ORC3: variants seen among roughly 807,000 people sequenced by gnomAD.
ORC3 encodes the protein origin recognition complex subunit 3.
A neutral mutation model predicts 100.7 loss-of-function variants in ORC3; 78 were observed. The observed-to-expected ratio is 0.77, with a 90% CI of 0.65 to 0.94. ORC3 has a LOEUF of 0.94. Ranked by LOEUF, ORC3 falls within the 40% of genes least tolerant of loss-of-function variation. The pLI, the probability that ORC3 is intolerant of heterozygous loss-of-function variation, is 0.00. For missense variants in ORC3, 789 were observed against 823.9 expected (o/e 0.96, Z 0.52); for synonymous variants, 295 against 289.3 (o/e 1.02, Z -0.20).
chr6:87,673,698 GGGCGTGGT>G, the ORC3 span, among the ~76,000 whole-genome samples: 1 of 151,822 alleles, frequency 6.6e-6, no homozygotes, highest in East Asian at 1.9e-4. Flanking sequence ...AAAATTAGCT[GGGCGTGGT>G]GGTGCATGCC....
intron 14 of ORC3, 98 bp from the exon 15 acceptor site, chr6:87,656,808 T>C: frequency 1.4e-6 from 1 of 731,340 alleles, no homozygotes; most frequent in Non-Finnish European, 2.3e-6. Context: ...TAAAAAAATA[T>C]ATATAGGTGA....
chr6:87,600,976 C>A (rs932937353), intron 2 of ORC3, among the ~76,000 whole-genome samples: 2 of 152,030 alleles, frequency 1.3e-5, no homozygotes, highest in Non-Finnish European at 2.9e-5. Flanking sequence ...GGTATTTTCA[C>A]AAATAGCTAA....
intron 7 of ORC3, among the ~76,000 whole-genome samples, chr6:87,611,227 G>A (rs1417473826): frequency 2.6e-5 from 4 of 151,726 alleles, no homozygotes; most frequent in Non-Finnish European, 5.9e-5. Flanking sequence ...ATGAACCATC[G>A]CACCCAGCCC....
intron 13 of ORC3, 66 bp downstream of exon 13, chr6:87,636,552 C>T: frequency 1.1e-6 from 1 of 922,660 alleles, no homozygotes; most frequent in South Asian, 1.4e-5. Context: ...GTAGCACCTT[C>T]CTCTAGAACC....
intron 2 of ORC3, among the ~76,000 whole-genome samples, chr6:87,601,084 T>TA (rs1777862761): frequency 6.6e-6 from 1 of 152,096 alleles, no homozygotes; most frequent in Non-Finnish European, 1.5e-5. Context: ...GTAAGAATAG[T>TA]AGTAGTAAGT....
At chr6:87,670,423 C>T (rs1314117703), downstream of ORC3, among the ~76,000 whole-genome samples, 1 of 152,130 alleles carries the variant, frequency 6.6e-6, no homozygotes, top group Non-Finnish European at 1.5e-5. Context: ...ACCTAGGCTT[C>T]CCAAAGTGCT....
the ORC3 span, among the ~76,000 whole-genome samples, chr6:87,674,762 C>G: frequency 6.6e-6 from 1 of 150,872 alleles, no homozygotes; most frequent in African/African-American, 2.4e-5. Context: ...GCATGAGCCA[C>G]CGCGCCCAGC....
rs528981364 is a variant in ORC3 at position 87,600,849 on chromosome 6, G to A, written c.80-935G>A. ...ATTTGCTATTACATAATAAGGGTGA[G>A]TGTTGTTTTTTGTGACTTTAGTTTT... is the stretch of plus-strand genomic sequence containing the variant. On this transcript the variant is annotated intron_variant, in intron 2 of 19. Coordinates refer to ENST00000392844, the MANE Select transcript of ORC3 (RefSeq NM_012381.4). Among the ~76,000 whole-genome samples the A allele has an allele frequency of 2.6e-5, 4 of 152,300 alleles. No homozygotes were observed. In the South Asian group the frequency reaches 6.2e-4, roughly 24 times the overall value.
At chr6:87,644,294 G>A (rs1238625575) in intron 13 of ORC3, among the ~76,000 whole-genome samples, 2 of 150,538 alleles carry the variant, frequency 1.3e-5, no homozygotes, top group African/African-American at 2.4e-5. Context: ...GGGTTTCACC[G>A]TTTTAGCCGG....
At chr6:87,639,990 G>T (rs911756876) in intron 13 of ORC3, among the ~76,000 whole-genome samples, 1 of 151,890 alleles carries the variant, frequency 6.6e-6, no homozygotes, top group Non-Finnish European at 1.5e-5. Context: ...GTGAGATTTC[G>T]TCTCAAAAAT....
chr6:87,673,613 C>A, the ORC3 span, among the ~76,000 whole-genome samples: 10 of 152,090 alleles, frequency 6.6e-5, no homozygotes, highest in Non-Finnish European at 1.2e-4. Context: ...GAGGCTGAGG[C>A]AGGCAGATCA....
At chr6:87,627,615 G>GTA (rs1583078688) in intron 11 of ORC3, among the ~76,000 whole-genome samples, 2 of 151,826 alleles carry the variant, frequency 1.3e-5, no homozygotes, top group Admixed American at 1.3e-4. Context: ...ACATTTCAAT[G>GTA]TATATAAAGA....
At position 87,658,429 on chromosome 6, in the gene ORC3, C is replaced by G. The variant is rs1452839010; in HGVS notation, c.1691+411C>G. On this transcript the variant is annotated intron_variant, in intron 16 of 19. Coordinates refer to ENST00000392844, the MANE Select transcript of ORC3 (RefSeq NM_012381.4). Reference sequence around the variant, plus strand: ...CCAAGATCGTGCCACTGCACTCCAGCCTGGGCAACGGTGCAAGACTCCGTC... The same window carrying G: ...CCAAGATCGTGCCACTGCACTCCAGGCTGGGCAACGGTGCAAGACTCCGTC... Among the ~76,000 whole-genome samples, 4 of 151,208 alleles carry G rather than the reference C, an allele frequency of 2.6e-5. No homozygotes were observed. In the East Asian group the frequency reaches 7.8e-4, roughly 29 times the overall value.
intron 17 of ORC3, 142 bp downstream of exon 17, chr6:87,663,286 T>G: frequency 1.7e-6 from 1 of 591,486 alleles, no homozygotes; most frequent in Non-Finnish European, 2.8e-6. Context: ...TTTTTAAAAA[T>G]TCTTTAGACT....
chr6:87,591,231 A>G (rs1331550646), intron 1 of ORC3, among the ~76,000 whole-genome samples: 1 of 152,196 alleles, frequency 6.6e-6, no homozygotes, highest in African/African-American at 2.4e-5. Context: ...TAAGACCTTG[A>G]GTTCTATTGT....
the ORC3 span, chr6:87,675,589 T>C: frequency 6.2e-7 from 1 of 1,613,974 alleles, no homozygotes; most frequent in African/African-American, 1.3e-5. Context: ...AAATGCAGGA[T>C]ACGTGATTCA....
At chr6:87,637,697 A>G (rs1357562676) in intron 13 of ORC3, among the ~76,000 whole-genome samples, 1 of 152,214 alleles carries the variant, frequency 6.6e-6, no homozygotes, top group Admixed American at 6.5e-5. Flanking sequence ...CTTTTGTCAA[A>G]GAGGAACTTG....
At chr6:87,663,593 G>A (rs1301843289) in intron 17 of ORC3, among the ~76,000 whole-genome samples, 1 of 152,194 alleles carries the variant, frequency 6.6e-6, no homozygotes, top group Non-Finnish European at 1.5e-5. Flanking sequence ...ACAAAGAAAG[G>A]TCTATTCTGA....
intron 13 of ORC3, among the ~76,000 whole-genome samples, chr6:87,644,219 A>G (rs1768550216): frequency 6.9e-6 from 1 of 145,402 alleles, no homozygotes; most frequent in African/African-American, 2.5e-5. Flanking sequence ...CAGCCTCCCA[A>G]GTAGCTGGGA....
Sources: gnomAD v4.1 joint callset for allele counts (sites outside exome capture counted in the v4.1 genomes callset) on GRCh38, gnomAD v4.1.1 for gene constraint, MANE v1.5 for transcripts, NCBI Gene and HGNC (gene_info 2026-07-23, HGNC 2026-07-21) for gene names.